Variants in PPARGC1A observed in about 807,000 individuals in gnomAD.
PPARGC1A encodes the protein PPARG coactivator 1 alpha.
PPARGC1A carries 25 observed loss-of-function variants against 88.7 expected under a neutral mutation model. That is an observed-to-expected ratio of 0.28 (90% CI 0.21 to 0.39). The LOEUF (loss-of-function observed/expected upper bound fraction) is 0.39. Ranked by LOEUF, PPARGC1A falls within the 10% of genes least tolerant of loss-of-function variation. The pLI, the probability that PPARGC1A is intolerant of heterozygous loss-of-function variation, is 1.00. For synonymous variants in PPARGC1A, 363 were observed against 355.6 expected (o/e 1.02, Z -0.24); for missense variants, 880 against 968.7 (o/e 0.91, Z 1.22).
At chr4:24,252,189 A>T in the PPARGC1A span, among the ~76,000 whole-genome samples, 1 of 152,204 alleles carries the variant, frequency 6.6e-6, no homozygotes, top group Admixed American at 6.5e-5. Context: ...CAAATATGGT[A>T]ATGTTCTATG....
the PPARGC1A span, among the ~76,000 whole-genome samples, chr4:24,014,635 A>C: frequency 6.6e-6 from 1 of 152,022 alleles, no homozygotes; most frequent in African/African-American, 2.4e-5. Flanking sequence ...CAGTTGTAAA[A>C]CTGAGGCCCT....
chr4:23,859,366 A>C (rs575258684), intron 2 of PPARGC1A, among the ~76,000 whole-genome samples: 2 of 152,206 alleles, frequency 1.3e-5, no homozygotes, highest in Non-Finnish European at 2.9e-5. Flanking sequence ...TGAATGCTGA[A>C]AGTGTAAGGG....
chr4:23,846,657 T>G (rs1728376059), intron 2 of PPARGC1A, among the ~76,000 whole-genome samples: 1 of 152,158 alleles, frequency 6.6e-6, no homozygotes, highest in Non-Finnish European at 1.5e-5. Flanking sequence ...AAGAATTTTT[T>G]GAGCACCTAG....
chr4:23,935,309 C>T, the PPARGC1A span, among the ~76,000 whole-genome samples: 43 of 152,264 alleles, frequency 2.8e-4, no homozygotes, highest in Middle Eastern at 3.4e-3. Flanking sequence ...TTCAGGAAAC[C>T]TCTCAGATAC....
At chr4:24,468,098 C>G in the PPARGC1A span, among the ~76,000 whole-genome samples, 235 of 152,228 alleles carry the variant, frequency 1.5e-3, 4 homozygotes, top group East Asian at 0.036. Flanking sequence ...ACAGACCTGG[C>G]CTGCTTCGAT....
At chr4:24,458,618 A>G in the PPARGC1A span, among the ~76,000 whole-genome samples, 1 of 152,194 alleles carries the variant, frequency 6.6e-6, no homozygotes, top group African/African-American at 2.4e-5. Flanking sequence ...CTTTTCAGAG[A>G]GGCAATTACA....
At chr4:23,962,963 T>C in the PPARGC1A span, among the ~76,000 whole-genome samples, 2 of 152,188 alleles carry the variant, frequency 1.3e-5, no homozygotes, top group Admixed American at 6.5e-5. Flanking sequence ...ACACTTAGCA[T>C]GCTCATGAGC....
chr4:24,263,730 T>A, the PPARGC1A span, among the ~76,000 whole-genome samples: 1 of 152,102 alleles, frequency 6.6e-6, no homozygotes, highest in Non-Finnish European at 1.5e-5. Context: ...TAATGAATAG[T>A]AAAGATATTT....
the PPARGC1A span, among the ~76,000 whole-genome samples, chr4:24,465,271 G>A: frequency 6.6e-6 from 1 of 152,154 alleles, no homozygotes; most frequent in African/African-American, 2.4e-5. Flanking sequence ...TTGAAATAAC[G>A]ATCTTCATGT....
At chr4:24,012,843 T>C in the PPARGC1A span, among the ~76,000 whole-genome samples, 1 of 152,154 alleles carries the variant, frequency 6.6e-6, no homozygotes, top group South Asian at 2.1e-4. Flanking sequence ...CAGCATTCCT[T>C]TGTAGCTCTG....
chr4:24,262,288 G>T, the PPARGC1A span, among the ~76,000 whole-genome samples: 1 of 152,136 alleles, frequency 6.6e-6, no homozygotes, highest in African/African-American at 2.4e-5. Context: ...TTCCACACCG[G>T]GTCCTGTGCT....
the PPARGC1A span, among the ~76,000 whole-genome samples, chr4:24,356,200 CAAAA>C: frequency 4.0e-5 from 3 of 74,540 alleles, no homozygotes; most frequent in East Asian, 3.3e-4. Context: ...CCGTCTCAAA[CAAAA>C]AAAAAAAAAA....
chr4:23,984,837 A>T, the PPARGC1A span, among the ~76,000 whole-genome samples: 1 of 152,004 alleles, frequency 6.6e-6, no homozygotes, highest in African/African-American at 2.4e-5. Context: ...CAAGAACCGA[A>T]ATCCACATCT....
chr4:23,998,340 T>G, the PPARGC1A span, among the ~76,000 whole-genome samples: 1 of 152,224 alleles, frequency 6.6e-6, no homozygotes, highest in Non-Finnish European at 1.5e-5. Context: ...ATATTGCTTA[T>G]TGCAGTCAAT....
the PPARGC1A span, among the ~76,000 whole-genome samples, chr4:24,207,783 C>A: frequency 6.6e-6 from 1 of 151,936 alleles, no homozygotes; most frequent in Admixed American, 6.6e-5. Context: ...CTAAAACTAG[C>A]CAGAGGAAAT....
chr4:24,175,799 C>T, the PPARGC1A span, among the ~76,000 whole-genome samples: 12,615 of 151,754 alleles, frequency 0.083, 572 homozygotes, highest in African/African-American at 0.11. Context: ...ATTTTAATCC[C>T]GCTCTTATCT....
the PPARGC1A span, among the ~76,000 whole-genome samples, chr4:24,409,538 T>A: frequency 1.3e-5 from 2 of 152,210 alleles, no homozygotes; most frequent in African/African-American, 4.8e-5. Flanking sequence ...CAAGCTGTAA[T>A]GAAAAAGAAA....
the PPARGC1A span, among the ~76,000 whole-genome samples, chr4:24,215,301 T>C: frequency 6.6e-6 from 1 of 152,218 alleles, no homozygotes; most frequent in South Asian, 2.1e-4. Context: ...AATGGGATTG[T>C]GCACACTTGC....
the PPARGC1A span, among the ~76,000 whole-genome samples, chr4:24,264,205 A>G: frequency 6.6e-6 from 1 of 152,194 alleles, no homozygotes; most frequent in South Asian, 2.1e-4. Flanking sequence ...GGGAGAATCA[A>G]AAGTTATACC....
Sources: gnomAD v4.1 joint callset for allele counts (sites outside exome capture counted in the v4.1 genomes callset) on GRCh38, gnomAD v4.1.1 for gene constraint, MANE v1.5 for transcripts, NCBI Gene and HGNC (gene_info 2026-07-23, HGNC 2026-07-21) for gene names.